Variants in NSD1 observed in about 807,000 individuals in gnomAD.
NSD1 encodes the protein nuclear receptor binding SET domain protein 1, also known as histone-lysine N-methyltransferase, H3 lysine-36 specific.
A neutral mutation model predicts 242.7 loss-of-function variants in NSD1; 26 were observed. The ratio of observed to expected loss-of-function variants is 0.11; its 90% confidence interval spans 0.08 to 0.15. NSD1 has a LOEUF of 0.15. Ranked by LOEUF, NSD1 falls within the 10% of genes least tolerant of loss-of-function variation. NSD1 has a pLI of 1.00. For synonymous variants in NSD1, 1,106 were observed against 1,178.1 expected (o/e 0.94, Z 1.25); for missense variants, 2,495 against 3,272.8 (o/e 0.76, Z 5.80).
chr5:177,244,826 C>T (rs1766152757), intron 9 of NSD1, among the ~76,000 whole-genome samples: 1 of 152,222 alleles, frequency 6.6e-6, no homozygotes, highest in South Asian at 2.1e-4. Flanking sequence ...ACAAGTAAAT[C>T]TAGCAACATG....
At chr5:177,276,819 T>TA (rs1212767272) in intron 17 of NSD1, among the ~76,000 whole-genome samples, 1 of 151,988 alleles carries the variant, frequency 6.6e-6, no homozygotes, top group African/African-American at 2.4e-5. Flanking sequence ...AAGATTAGAT[T>TA]AAAAAAAGAA....
intron 2 of NSD1, among the ~76,000 whole-genome samples, chr5:177,147,776 G>C (rs1310693417): frequency 6.6e-6 from 1 of 152,014 alleles, no homozygotes; most frequent in Non-Finnish European, 1.5e-5. Context: ...TTTTAGTAGA[G>C]ATGGGGTTTC....
At chr5:177,132,469 A>G (rs1377833371), upstream of NSD1, among the ~76,000 whole-genome samples, 2 of 151,702 alleles carry the variant, frequency 1.3e-5, no homozygotes, top group African/African-American at 2.4e-5. The surrounding 1 kb of genome is among the most constrained non-coding windows in gnomAD (Gnocchi z 7.5). Flanking sequence ...GAGGCGGTGC[A>G]GGGACTAGAG....
At chr5:177,272,793 G>C (rs767769733) in intron 16 of NSD1, among the ~76,000 whole-genome samples, 5 of 152,062 alleles carry the variant, frequency 3.3e-5, no homozygotes, top group Non-Finnish European at 7.4e-5. Context: ...TGAGGTGGGA[G>C]GATCACTTGA....
At chr5:177,254,794 A>G (rs1301407522) in intron 12 of NSD1, among the ~76,000 whole-genome samples, 3 of 37,464 alleles carry the variant, frequency 8.0e-5, no homozygotes, top group Non-Finnish European at 1.9e-4. Context: ...TGTGTTTTGT[A>G]TTAAAGTTTT....
intron 2 of NSD1, among the ~76,000 whole-genome samples, chr5:177,175,278 G>A (rs971753521): frequency 2.4e-4 from 36 of 152,204 alleles, no homozygotes; most frequent in African/African-American, 7.5e-4. Context: ...TTAATTTTCC[G>A]TAATTTATTT....
intron 21 of NSD1, among the ~76,000 whole-genome samples, chr5:177,289,864 G>T (rs1412699429): frequency 6.7e-6 from 1 of 148,672 alleles, no homozygotes; most frequent in East Asian, 2.0e-4. Context: ...GTCTCGCTCT[G>T]TTGCCCAGGC....
At chr5:177,139,940 T>C (rs748123327) in intron 2 of NSD1, among the ~76,000 whole-genome samples, 10 of 129,366 alleles carry the variant, frequency 7.7e-5, no homozygotes, top group Admixed American at 1.5e-4. Flanking sequence ...CAAGATCCTG[T>C]CAAAAAAAAA....
chr5:177,169,729 T>G (rs1019121722), intron 2 of NSD1: 1 of 152,208 alleles, frequency 6.6e-6, no homozygotes, highest in African/African-American at 2.4e-5. Context: ...TAATAAGTCT[T>G]TAGCAAAAAT....
intron 5 of NSD1, 132 bp downstream of exon 5, chr5:177,212,327 A>G: frequency 1.1e-6 from 1 of 881,762 alleles, no homozygotes; most frequent in Non-Finnish European, 1.8e-6. Flanking sequence ...CACTTCAATG[A>G]AGAAGGAGTT....
At chr5:177,289,829 T>C (rs977425299) in intron 21 of NSD1, among the ~76,000 whole-genome samples, 3 of 147,070 alleles carry the variant, frequency 2.0e-5, no homozygotes, top group African/African-American at 8.0e-5. Flanking sequence ...TTGTTGTTGT[T>C]TTGTGTTTTT....
chr5:177,236,046 C>T, intron 6 of NSD1, 101 bp downstream of exon 6: 1 of 1,332,990 alleles, frequency 7.5e-7, no homozygotes, highest in Non-Finnish European at 1.1e-6. Context: ...ATTTCCTTAA[C>T]TGAGATCTTG....
In NSD1 at chr5:177,135,461, G is replaced by A. The variant is rs1299158010; in HGVS notation, c.358G>A (p.Gly120Ser). ...TGTTTGCACTTCCTTGAGTCCTGGT[G>A]GTCCTACAGCACTTGCTATGAAACA... ...PIVCTSLSPG[G>S]PTALAMKQEP... Residue 120 changes from glycine to serine, a missense_variant, in exon 2 of 23, where the codon GGT becomes AGT. Gly to Ser is a moderately conservative substitution (Grantham distance 56). Around this residue, in one of 19 missense-constraint regions of NSD1, gnomAD observed 376 missense variants for 367.4 expected, o/e 1.02. Transcript: ENST00000439151. 3 of 1,614,176 alleles carry A rather than the reference G, an allele frequency of 1.9e-6. No homozygotes were observed.
chr5:177,202,070 A>G (rs868640319), intron 3 of NSD1, among the ~76,000 whole-genome samples: 5 of 151,812 alleles, frequency 3.3e-5, no homozygotes, highest in Non-Finnish European at 7.4e-5. Flanking sequence ...TGGGAGGCTG[A>G]GGCGGGAGAA....
At chr5:177,281,347 TAATAAAA>T (rs1758862947) in intron 18 of NSD1, among the ~76,000 whole-genome samples, 1 of 150,660 alleles carries the variant, frequency 6.6e-6, no homozygotes. Flanking sequence ...TTTTTTTTTT[TAATAAAA>T]TAAGCCTTAT....
chr5:177,268,260 C>T (rs1328166965), intron 15 of NSD1, among the ~76,000 whole-genome samples: 2 of 147,358 alleles, frequency 1.4e-5, no homozygotes, highest in Non-Finnish European at 3.0e-5. Flanking sequence ...AGGTACATGC[C>T]ACTGCACCCG....
chr5:177,271,017 C>G (rs927822356), intron 16 of NSD1, among the ~76,000 whole-genome samples: 1 of 152,120 alleles, frequency 6.6e-6, no homozygotes. Context: ...CTGCACAGAG[C>G]TGGCCACCAC....
intron 20 of NSD1, 39 bp downstream of exon 20, chr5:177,283,967 T>C: frequency 6.2e-7 from 1 of 1,612,812 alleles, no homozygotes; most frequent in Non-Finnish European, 8.5e-7. Context: ...GACATCTGAA[T>C]TTCAGGGCTT....
At chr5:177,287,592 C>T (rs1759438648) in intron 20 of NSD1, among the ~76,000 whole-genome samples, 1 of 152,116 alleles carries the variant, frequency 6.6e-6, no homozygotes, top group Admixed American at 6.5e-5. Flanking sequence ...GCCGGGATCT[C>T]ACCACCTTAC....
Sources: allele counts gnomAD v4.1 joint callset (sites outside exome capture counted in the v4.1 genomes callset), GRCh38; gene constraint gnomAD v4.1.1; regional missense constraint gnomAD v4.1.1; non-coding constraint Gnocchi (gnomAD v3.1); transcripts MANE v1.5; gene names NCBI Gene and HGNC (gene_info 2026-07-23, HGNC 2026-07-21).